The following TTC9B variants were observed in gnomAD, a reference collection of about 807,000 sequenced individuals.
The protein encoded by TTC9B is tetratricopeptide repeat domain 9B, also known as tetratricopeptide repeat protein 9B.
Under a neutral mutation model 19.4 loss-of-function variants are expected in TTC9B, and 12 were observed. The ratio of observed to expected loss-of-function variants is 0.62; its 90% CI spans 0.40 to 1.00. TTC9B has a LOEUF of 1.00. Ranked by LOEUF, TTC9B falls within the 50% of genes least tolerant of loss-of-function variation. The probability of loss-of-function intolerance (pLI) is 0.00; values close to 1 mark genes in which losing one functional copy is unlikely to be tolerated. For synonymous variants in TTC9B, 156 were observed against 158.6 expected (o/e 0.98, Z 0.12); for missense variants, 316 against 345.2 (o/e 0.92, Z 0.67).
chr19:40,217,133 C>G, intron 2 of TTC9B, 54 bp downstream of exon 2: 2 of 1,553,056 alleles, frequency 1.3e-6, no homozygotes, highest in Non-Finnish European at 1.7e-6. Flanking sequence ...TCCGCTGCAG[C>G]CCCTTTCCCC....
Position 40,216,203 on chromosome 19 carries a change from T to A in TTC9B, c.680A>T (p.Asp227Val). Residue 227 changes from aspartate to valine, a missense_variant, in exon 3 of 3, where the codon GAC becomes GTC. Asp to Val is a radical substitution (Grantham distance 152). Coordinates refer to ENST00000311308, the MANE Select transcript of TTC9B (RefSeq NM_152479.6). ...KMNRCSLQRE[D>V]SGAGSQTRDV... Reference sequence around the variant, plus strand: ...CCGAGTCTGGGACCCAGCCCCACTGTCTTCCCGCTGGAGGCTGCAACGATT... The same window carrying A: ...CCGAGTCTGGGACCCAGCCCCACTGACTTCCCGCTGGAGGCTGCAACGATT... The A allele has an allele frequency of 1.2e-6, 2 of 1,614,188 alleles. No individual in the cohort carries two copies. The highest frequency in any genetic ancestry group is 1.7e-6 in the Non-Finnish European group (2 of 1,180,012).
chr19:40,216,488 C>T (rs1395665482), intron 2 of TTC9B: 1 of 552,568 alleles, frequency 1.8e-6, no homozygotes, highest in Non-Finnish European at 3.2e-6. Flanking sequence ...TTGCGGCACC[C>T]TCTGCCAGGA....
chr19:40,217,933 C>G, intron 1 of TTC9B, 22 bp downstream of exon 1: 1 of 1,444,078 alleles, frequency 6.9e-7, no homozygotes, highest in Non-Finnish European at 9.1e-7. Flanking sequence ...GTGCCCCATC[C>G]CCCCACCCCC....
In TTC9B at chr19:40,218,163, C is replaced by T. The variant is rs202087100; in HGVS notation, c.219G>A (p.Gln73=). The stretch of plus-strand genomic sequence containing the variant: ...GGAACTTCTTCTCTCGATAGCAGCG[C>T]TGGCCCTCTGCCTTGAACGCCACGG... The part of the protein sequence containing the change: ...RAAVAFKAEG[Q]RCYREKKFRE... The change falls in exon 1 of 3, where the codon CAG becomes CAA. Residue 73 remains glutamine (Q), a synonymous_variant. Coordinates refer to ENST00000311308, the MANE Select transcript of TTC9B (RefSeq NM_152479.6). This position sits in a 1 kb window ranked among gnomAD's most constrained non-coding sequence, Gnocchi z 4.2. The T allele has an allele frequency of 6.3e-6, 10 of 1,577,256 alleles. No individual in the cohort carries two copies. In the Admixed American group the frequency reaches 1.8e-4, roughly 28 times the overall value.
At chr19:40,216,721 C>T (rs551884067) in intron 2 of TTC9B, 3 of 286,426 alleles carry the variant, frequency 1.0e-5, no homozygotes, top group East Asian at 1.6e-4. Context: ...CATGCACGCA[C>T]ACACACACAC....
intron 1 of TTC9B, 25 bp downstream of exon 1, chr19:40,217,930 A>ACCCCC: frequency 1.0e-5 from 7 of 702,558 alleles, no homozygotes; most frequent in Non-Finnish European, 1.3e-5. Context: ...CTCGTGCCCC[A>ACCCCC]TCCCCCCACC....
At chr19:40,217,865 C>A in intron 1 of TTC9B, 90 bp downstream of exon 1, 3 of 1,239,162 alleles carry the variant, frequency 2.4e-6, no homozygotes, top group Non-Finnish European at 3.2e-6. Flanking sequence ...CTGGACCCTT[C>A]AGCCCCAGGG....
chr19:40,217,648 G>A (rs1599923115), intron 1 of TTC9B: 2 of 527,080 alleles, frequency 3.8e-6, no homozygotes, highest in East Asian at 6.2e-5. Flanking sequence ...GACCTCGAGA[G>A]CCTGGCTCAG....
intron 2 of TTC9B, 158 bp downstream of exon 2, chr19:40,217,029 G>A: frequency 1.4e-6 from 1 of 729,102 alleles, no homozygotes; most frequent in East Asian, 2.7e-5. Context: ...ATGAGTGGGC[G>A]TGTAGGGAGT....
intron 2 of TTC9B, chr19:40,216,827 G>C (rs1238411886): frequency 1.4e-5 from 6 of 423,410 alleles, no homozygotes; most frequent in Non-Finnish European, 2.2e-5. Context: ...GGAGGAATGA[G>C]TGTGTGCGGT....
At position 40,218,337 on chromosome 19, in the gene TTC9B, G is replaced by A; in HGVS notation, c.45C>T (p.Ala15=). Residue 15 remains alanine (A), a synonymous_variant, in exon 1 of 3, where the codon GCC becomes GCT. Coordinates refer to ENST00000311308, the MANE Select transcript of TTC9B (RefSeq NM_152479.6). The surrounding 1 kb of genome is among the most constrained non-coding windows in gnomAD (Gnocchi z 4.2). ...GAGGCGGGCGCGGCGGAGGCTCCGG[G>A]GCAGCGCTGAGCATCAGCACCGGGG... ...ALSPVLMLSA[A]PEPPPRPPPA... 7.4e-7 allele frequency: 1 copy of A among 1,356,072 alleles called. No homozygotes were observed. Among genetic ancestry groups the A allele is most frequent in the South Asian group, 1.8e-5 (1 of 55,220 alleles). 84.0% of individuals were successfully genotyped at this position (1,356,072 alleles called of 1,614,324 possible).
Position 40,217,270 on chromosome 19 carries a change from C to A in TTC9B, c.527G>T (p.Arg176Leu). ...CAGGTGGTAGAAGGCAATGCCGGCA[C>A]GGTAGGTGGCCTTGAAGTTGCCCTG... is the stretch of plus-strand genomic sequence containing the variant. ...KQQGNFKATY[R>L]AGIAFYHLGD... Residue 176 changes from arginine to leucine, a missense_variant, in exon 2 of 3, where the codon CGT becomes CTT. Transcript: ENST00000311308. The A allele has an allele frequency of 6.2e-7, 1 of 1,614,064 alleles. No individual in the cohort carries two copies. Among genetic ancestry groups the A allele is most frequent in the Middle Eastern group, 1.7e-4 (1 of 6,060 alleles).
At position 40,218,242 on chromosome 19, in the gene TTC9B, G is replaced by C; in HGVS notation, c.140C>G (p.Thr47Ser). The C allele has an allele frequency of 4.6e-6, 7 of 1,523,584 alleles. No individual in the cohort carries two copies. The highest frequency in any genetic ancestry group is 6.1e-6 in the Non-Finnish European group (7 of 1,144,308). The allele number at this position is 1,523,584 out of a possible 1,614,324, so 94.4% of individuals were successfully genotyped here. The change falls in exon 1 of 3, where the codon ACC becomes AGC. Residue 47 changes from threonine to serine, a missense_variant. Physicochemically the swap from Thr to Ser is moderately conservative, Grantham distance 58. Transcript: ENST00000311308. The surrounding 1 kb of genome is among the most constrained non-coding windows in gnomAD (Gnocchi z 4.2). ...SRHGSARPGP[T>S]PEPSGSLGAA... ...GCCCAGGCTCCCCGACGGCTCTGGG[G>C]TAGGACCGGGACGAGCCGAGCCATG... is the stretch of plus-strand genomic sequence containing the variant.
intron 2 of TTC9B, 25 bp downstream of exon 2, chr19:40,217,162 A>C (rs1053150161): frequency 6.3e-7 from 1 of 1,597,208 alleles, no homozygotes; most frequent in Non-Finnish European, 8.5e-7. Context: ...CCCAGCCCTC[A>C]CCTCTGCCCC....
chr19:40,218,127 G>C lies in TTC9B; in HGVS notation c.255C>G (p.Ile85Met). 1 of 1,571,630 alleles carries C rather than the reference G, an allele frequency of 6.4e-7. No homozygotes were observed. The highest frequency in any genetic ancestry group is 8.6e-7 in the Non-Finnish European group (1 of 1,163,722). ...GCAGCAGCGCTCGGTGGTACTTGCC[G>C]ATGGCCTCCCGGAACTTCTTCTCTC... ...CYREKKFREA[I>M]GKYHRALLQL... Residue 85 changes from isoleucine to methionine, a missense_variant, in exon 1 of 3, where the codon ATC becomes ATG. Physicochemically the swap from Ile to Met is conservative, Grantham distance 10. Transcript: ENST00000311308. The surrounding 1 kb of genome is among the most constrained non-coding windows in gnomAD (Gnocchi z 4.2).
chr19:40,216,342 C>T lies in TTC9B; in HGVS notation c.611-70G>A. ...GCAGGTGACTTCCACACCTCCCTGG[C>T]TCACACCCCATTCTCCGAAGTATCC... is the stretch of plus-strand genomic sequence containing the variant. On this transcript the variant is annotated intron_variant, in intron 2 of 2. Transcript: ENST00000311308. 12 of 1,163,214 alleles carry T rather than the reference C, an allele frequency of 1.0e-5. No homozygotes were observed. The South Asian group carries it at 1.2e-4, about 12-fold the overall frequency. The allele number at this position is 1,163,214 out of a possible 1,614,324, so 72.1% of individuals were successfully genotyped here.
chr19:40,218,228 C>G lies in TTC9B; in HGVS notation c.154G>C (p.Gly52Arg). ...ARPGPTPEPS[G>R]SLGAALDSSL... ...CTGTCGAGCGCCGCGCCCAGGCTCC[C>G]CGACGGCTCTGGGGTAGGACCGGGA... Residue 52 changes from glycine to arginine, a missense_variant, in exon 1 of 3, where the codon GGG (glycine) becomes CGG (arginine). Coordinates refer to ENST00000311308, the MANE Select transcript of TTC9B (RefSeq NM_152479.6). The surrounding 1 kb of genome is among the most constrained non-coding windows in gnomAD (Gnocchi z 4.2). 6.4e-7 allele frequency: 1 copy of G among 1,559,112 alleles called. No individual in the cohort carries two copies. Among genetic ancestry groups the G allele is most frequent in the Non-Finnish European group, 8.6e-7 (1 of 1,159,182 alleles).
In TTC9B at chr19:40,218,049, G is replaced by C. The variant is rs1973396293; in HGVS notation, c.333C>G (p.Pro111=). 6.7e-7 allele frequency: 1 copy of C among 1,498,256 alleles called. No homozygotes were observed. 92.8% of individuals were successfully genotyped at this position (1,498,256 alleles called of 1,614,324 possible). A position where few individuals can be genotyped will look rare whatever the true frequency, so the allele number is the denominator to read the frequency against. The change falls in exon 1 of 3, where the codon CCC becomes CCG. Residue 111 remains proline (P), a synonymous_variant. Transcript: ENST00000311308. The surrounding 1 kb of genome is among the most constrained non-coding windows in gnomAD (Gnocchi z 4.2). ...CCGGCCCGGGGCTGCTGGTGGGCCC[G>C]GGGGCGGGGGCGGGCAGGCCGCTAG... ...ARPSGLPAPA[P]GPTSSPGPAR...
intron 2 of TTC9B, 64 bp from the exon 3 acceptor site, chr19:40,216,336 C>T: frequency 8.2e-7 from 1 of 1,223,630 alleles, no homozygotes; most frequent in Non-Finnish European, 1.2e-6. Flanking sequence ...TTCCACACCT[C>T]CCTGGCTCAC....
Sources: allele counts gnomAD v4.1 joint callset, GRCh38; gene constraint gnomAD v4.1.1; non-coding constraint Gnocchi (gnomAD v3.1); transcripts MANE v1.5; gene names NCBI Gene and HGNC (gene_info 2026-07-23, HGNC 2026-07-21).